CCDC18: variants seen among roughly 807,000 people sequenced by gnomAD.
CCDC18 encodes the protein coiled-coil domain containing 18, also known as coiled-coil domain-containing protein 18.
Under a neutral mutation model 196.0 loss-of-function variants are expected in CCDC18, and 157 were observed. The observed-to-expected ratio is 0.80, with a 90% CI of 0.70 to 0.91. The LOEUF is 0.91. Among genes scored for constraint, CCDC18 ranks in the 40% least tolerant of loss-of-function variants. The pLI is 0.00. For synonymous variants in CCDC18, 482 were observed against 529.2 expected, an observed-to-expected ratio of 0.91 and a Z score of 1.22; for missense variants, 1,465 against 1,611.6, an observed-to-expected ratio of 0.91 and a Z score of 1.56.
rs77245731 is a variant in CCDC18, at chr1:93,241,453, G to T, written c.2981+1557G>T. 5.1e-3 allele frequency among the ~76,000 whole-genome samples: 773 copies of T among 152,034 alleles called. 6 individuals carry two copies. Among genetic ancestry groups the T allele is most frequent in the African/African-American group, 0.018 (735 of 41,454 alleles). ...TAAAACATAAATTAGACCAGGCGCG[G>T]TGGCTCACGCCTGTAATCCCAACAC... On this transcript the variant is annotated intron_variant, in intron 21 of 28. Coordinates refer to ENST00000690025, the MANE Select transcript of CCDC18 (RefSeq NM_001378204.1).
intron 9 of CCDC18, among the ~76,000 whole-genome samples, chr1:93,209,664 G>A (rs1327789523): frequency 6.6e-6 from 1 of 152,204 alleles, no homozygotes. Flanking sequence ...CCAGGATGCT[G>A]TTTATTTGCT....
chr1:93,218,072 T>C (rs765947803), intron 14 of CCDC18, among the ~76,000 whole-genome samples: 2 of 152,232 alleles, frequency 1.3e-5, no homozygotes, highest in African/African-American at 2.4e-5. Context: ...GTAATCATTA[T>C]TTTTGACATT....
chr1:93,223,896 TTTATACACACACACACACACAC>T (rs912440444), intron 16 of CCDC18, among the ~76,000 whole-genome samples: 1 of 123,930 alleles, frequency 8.1e-6, no homozygotes, highest in African/African-American at 3.0e-5. Flanking sequence ...ATTTCATTTA[TTTATACACACACACACACACAC>T]ACACACACAC....
At chr1:93,211,975 C>T in intron 10 of CCDC18, 126 bp from the exon 11 acceptor site, 1 of 793,632 alleles carries the variant, frequency 1.3e-6, no homozygotes, top group Non-Finnish European at 2.0e-6. Context: ...TCATATCCTG[C>T]CTAAAGAGTT....
intron 14 of CCDC18, among the ~76,000 whole-genome samples, chr1:93,219,742 C>T (rs1222342524): frequency 1.3e-5 from 2 of 152,084 alleles, no homozygotes; most frequent in Non-Finnish European, 1.5e-5. Flanking sequence ...AGTGAAACCA[C>T]GAATACCACA....
At chr1:93,199,293 A>C (rs562654904) in intron 6 of CCDC18, among the ~76,000 whole-genome samples, 1 of 152,256 alleles carries the variant, frequency 6.6e-6, no homozygotes, top group Non-Finnish European at 1.5e-5. Context: ...GGGTCCAGCC[A>C]CTATACATAG....
intron 23 of CCDC18, among the ~76,000 whole-genome samples, chr1:93,251,739 A>G (rs924629963): frequency 6.6e-6 from 1 of 151,868 alleles, no homozygotes; most frequent in Non-Finnish European, 1.5e-5. Flanking sequence ...TTTCATTATA[A>G]TATGTCTTAG....
chr1:93,270,329 G>A lies in CCDC18; in HGVS notation c.3886-18G>A, dbSNP rs1341094457. The A allele has an allele frequency of 6.9e-6, 10 of 1,442,450 alleles. No homozygotes were observed. Among genetic ancestry groups the A allele is most frequent in the Admixed American group, 4.1e-5 (2 of 48,248 alleles). 89.4% of individuals were successfully genotyped at this position (1,442,450 alleles called of 1,614,324 possible). A position where few individuals can be genotyped will look rare whatever the true frequency, so the allele number is the denominator to read the frequency against. On this transcript the variant is annotated intron_variant, in intron 27 of 28. Transcript: ENST00000690025. Reference sequence around the variant, plus strand: ...CAAAAATGTATTGAGCACCTACTATGTACCAATTTATCTGCAGGAATCAGA... The same window carrying A: ...CAAAAATGTATTGAGCACCTACTATATACCAATTTATCTGCAGGAATCAGA...
chr1:93,183,795 AC>A (rs57274666), intron 2 of CCDC18, among the ~76,000 whole-genome samples, 182 bp from the exon 3 acceptor site: 13,462 of 152,032 alleles, frequency 0.089, 1,959 homozygotes, highest in African/African-American at 0.31. Flanking sequence ...CTTTAGAAAT[AC>A]AGTTTGCTAG....
intron 23 of CCDC18, among the ~76,000 whole-genome samples, chr1:93,249,689 T>C (rs1479247896): frequency 6.6e-6 from 1 of 152,202 alleles, no homozygotes; most frequent in Non-Finnish European, 1.5e-5. Context: ...AAAATAAGTC[T>C]CATCAAATTT....
In CCDC18 at chr1:93,256,501, G is replaced by A; in HGVS notation, c.3509G>A (p.Ser1170Asn). 2 of 1,614,016 alleles carry A rather than the reference G, an allele frequency of 1.2e-6. No homozygotes were observed. The highest frequency in any genetic ancestry group is 1.7e-6 in the Non-Finnish European group (2 of 1,179,918). Reference protein sequence around the residue: ...QAQREIERLSSELEDMKQLSK... With the variant: ...QAQREIERLSNELEDMKQLSK... ...CAGAGAGAAATAGAAAGGCTCTCTA[G>A]TGAACTGGAGGATATGAAGCAACTC... Residue 1170 changes from serine (S) to asparagine (N), a missense_variant, in exon 25 of 29, where the codon AGT becomes AAT. Physicochemically the swap from Ser to Asn is conservative, Grantham distance 46. Coordinates refer to ENST00000690025, the MANE Select transcript of CCDC18 (RefSeq NM_001378204.1).
intron 18 of CCDC18, among the ~76,000 whole-genome samples, chr1:93,235,756 A>G (rs1165771962): frequency 6.6e-6 from 1 of 152,182 alleles, no homozygotes; most frequent in Non-Finnish European, 1.5e-5. Flanking sequence ...TTGAATCCAC[A>G]ACACCTATGA....
chr1:93,227,891 G>A (rs529783336), intron 17 of CCDC18, among the ~76,000 whole-genome samples: 43 of 149,662 alleles, frequency 2.9e-4, no homozygotes, highest in Middle Eastern at 3.5e-3. Context: ...CTAGGAGGTC[G>A]AGGCTGCAGT....
At chr1:93,234,704 C>T (rs527555161) in intron 18 of CCDC18, among the ~76,000 whole-genome samples, 108 of 152,146 alleles carry the variant, frequency 7.1e-4, no homozygotes, top group African/African-American at 2.6e-3. Flanking sequence ...TTCCTTGGTT[C>T]CTTTCCCTTT....
chr1:93,182,581 C>G (rs1212913046), intron 1 of CCDC18, among the ~76,000 whole-genome samples: 1 of 152,070 alleles, frequency 6.6e-6, no homozygotes, highest in Non-Finnish European at 1.5e-5. Context: ...GTATTAATTA[C>G]AATAATAAAA....
intron 25 of CCDC18, among the ~76,000 whole-genome samples, chr1:93,257,187 G>A (rs1427992144): frequency 4.6e-5 from 6 of 131,658 alleles, no homozygotes; most frequent in African/African-American, 1.7e-4. Flanking sequence ...AGCTGAAGTC[G>A]TGCCACTGCA....
chr1:93,214,664 G>C, intron 11 of CCDC18, 79 bp from the exon 12 acceptor site: 1 of 958,086 alleles, frequency 1.0e-6, no homozygotes, highest in Non-Finnish European at 1.6e-6. Flanking sequence ...CTTTGTTTAT[G>C]ACTAAATCTT....
At chr1:93,194,541 T>C (rs1281652485) in intron 6 of CCDC18, among the ~76,000 whole-genome samples, 3 of 152,212 alleles carry the variant, frequency 2.0e-5, no homozygotes, top group Non-Finnish European at 4.4e-5. Context: ...GATATAACCT[T>C]TTGAAATCTC....
intron 23 of CCDC18, among the ~76,000 whole-genome samples, chr1:93,248,557 C>T (rs1030079838): frequency 6.6e-6 from 1 of 152,038 alleles, no homozygotes; most frequent in African/African-American, 2.4e-5. Context: ...TCTTTGAATT[C>T]AGTTGATAGT....
Sources: allele counts gnomAD v4.1 joint callset (sites outside exome capture counted in the v4.1 genomes callset), GRCh38; gene constraint gnomAD v4.1.1; transcripts MANE v1.5; gene names NCBI Gene and HGNC (gene_info 2026-07-23, HGNC 2026-07-21).